Variants in HNRNPLL observed in about 807,000 individuals in gnomAD.
HNRNPLL encodes the protein heterogeneous nuclear ribonucleoprotein L like.
HNRNPLL carries 25 observed loss-of-function variants against 67.1 expected under a neutral mutation model. That is an observed-to-expected ratio of 0.37 (90% CI 0.27 to 0.52). The LOEUF is 0.52. Ranked by LOEUF, HNRNPLL falls within the 20% of genes least tolerant of loss-of-function variation. The probability of loss-of-function intolerance (pLI) is 0.90; values close to 1 mark genes in which losing one functional copy is unlikely to be tolerated. For synonymous variants in HNRNPLL, 267 were observed against 241.7 expected, an observed-to-expected ratio of 1.10 and a Z score of -0.97; for missense variants, 542 against 673.9, an observed-to-expected ratio of 0.80 and a Z score of 2.17.
intron 8 of HNRNPLL, among the ~76,000 whole-genome samples, chr2:38,570,997 A>C (rs1666055747): frequency 6.6e-6 from 1 of 152,130 alleles, no homozygotes; most frequent in Non-Finnish European, 1.5e-5. Context: ...GTAATCTATG[A>C]CGGTGCCACT....
At chr2:38,568,806 G>A (rs1016185300) in intron 10 of HNRNPLL, among the ~76,000 whole-genome samples, 4 of 152,072 alleles carry the variant, frequency 2.6e-5, no homozygotes, top group African/African-American at 9.7e-5. Context: ...TAAGTTAGGG[G>A]AAACAATATG....
At chr2:38,566,092 C>G in intron 12 of HNRNPLL, 1 of 987,792 alleles carries the variant, frequency 1.0e-6, no homozygotes, top group Non-Finnish European at 1.2e-6. Flanking sequence ...AAAAATTAAA[C>G]TTGAGTTTTC....
rs1444723863 is a variant in HNRNPLL at position 38,561,989 on chromosome 2, GATTT to G, written c.*2189_*2192del. Reference sequence around the variant, plus strand: ...TCATATTCCATAACTCAGTTTGGCAGATTTATTATCAAATGTGTAGTAGGATTTG... The same window carrying G: ...TCATATTCCATAACTCAGTTTGGCAGATTATCAAATGTGTAGTAGGATTTG... On this transcript the variant is annotated 3_prime_UTR_variant, in exon 13 of 13. Transcript: ENST00000449105. The G allele has an allele frequency of 1.3e-5, 2 of 152,176 alleles. No homozygotes were observed. The highest frequency in any genetic ancestry group is 1.5e-5 in the Non-Finnish European group (1 of 68,020). 9.4% of individuals were successfully genotyped at this position (152,176 alleles called of 1,614,324 possible). A position where few individuals can be genotyped will look rare whatever the true frequency, so the allele number is the denominator to read the frequency against.
intron 1 of HNRNPLL, chr2:38,601,903 A>C (rs967145585): frequency 2.6e-5 from 4 of 152,560 alleles, no homozygotes; most frequent in African/African-American, 9.7e-5. Context: ...AAATTTTTTA[A>C]ATTAAACCTT....
rs547528699 is a variant in HNRNPLL at position 38,565,656 on chromosome 2, A to G, written c.1574-1419T>C. ...GGTGGGAGGATCACTTGAGCTCAGG[A>G]AAGTCGAGGCTGCAGTGGGCTGTGA... On this transcript the variant is annotated intron_variant, in intron 12 of 12. Coordinates refer to ENST00000449105, the MANE Select transcript of HNRNPLL (RefSeq NM_138394.4). 1.1e-4 allele frequency among the ~76,000 whole-genome samples: 17 copies of G among 150,560 alleles called. No homozygotes were observed. In the South Asian group the frequency reaches 2.7e-3, roughly 24 times the overall value.
At chr2:38,574,859 T>C (rs755139933) in intron 7 of HNRNPLL, among the ~76,000 whole-genome samples, 8 of 151,874 alleles carry the variant, frequency 5.3e-5, no homozygotes, top group Non-Finnish European at 8.8e-5. Flanking sequence ...TTAGTAATTA[T>C]TTTAGCCTCT....
At chr2:38,588,569 G>A (rs1666827504) in intron 2 of HNRNPLL, among the ~76,000 whole-genome samples, 1 of 123,008 alleles carries the variant, frequency 8.1e-6, no homozygotes, top group Non-Finnish European at 1.7e-5. Flanking sequence ...AAAAAAAAAG[G>A]GTGAGCTAAA....
At chr2:38,593,704 T>C (rs546165793) in intron 1 of HNRNPLL, among the ~76,000 whole-genome samples, 3 of 151,218 alleles carry the variant, frequency 2.0e-5, no homozygotes, top group Non-Finnish European at 4.4e-5. Flanking sequence ...CTGGCCAAGA[T>C]GGTGAAACTC....
chr2:38,593,882 A>C (rs571071149), intron 1 of HNRNPLL, among the ~76,000 whole-genome samples: 26 of 150,450 alleles, frequency 1.7e-4, no homozygotes, highest in East Asian at 1.4e-3. Context: ...ACAAAAAAAA[A>C]CCTAAATGCT....
intron 2 of HNRNPLL, among the ~76,000 whole-genome samples, chr2:38,587,096 G>T (rs1376946444): frequency 1.3e-5 from 2 of 152,142 alleles, no homozygotes; most frequent in African/African-American, 4.8e-5. Context: ...CCAAAGAAAT[G>T]TCGGGTCCAG....
intron 1 of HNRNPLL, chr2:38,602,108 A>G: frequency 3.0e-6 from 1 of 331,790 alleles, no homozygotes; most frequent in Non-Finnish European, 5.5e-6. Flanking sequence ...GAGGAGTTAA[A>G]CTAACAAAGA....
At chr2:38,590,900 G>A (rs184186207) in intron 2 of HNRNPLL, among the ~76,000 whole-genome samples, 1 of 152,098 alleles carries the variant, frequency 6.6e-6, no homozygotes, top group Admixed American at 6.6e-5. Context: ...AGCTATTAGG[G>A]AGGATAAAAT....
intron 6 of HNRNPLL, among the ~76,000 whole-genome samples, chr2:38,578,651 C>T (rs963881628): frequency 6.6e-6 from 1 of 151,976 alleles, no homozygotes; most frequent in Non-Finnish European, 1.5e-5. Context: ...AACTTTTACT[C>T]AATGTAAAAA....
chr2:38,602,370 C>A, intron 1 of HNRNPLL, 68 bp downstream of exon 1: 1 of 1,461,108 alleles, frequency 6.8e-7, no homozygotes, highest in East Asian at 2.4e-5. Flanking sequence ...AGCGGGAGGC[C>A]CCGCACCGAG....
chr2:38,587,362 ATTATTAT>A (rs1320254061), intron 2 of HNRNPLL, among the ~76,000 whole-genome samples: 5 of 151,864 alleles, frequency 3.3e-5, no homozygotes, highest in African/African-American at 1.2e-4. Flanking sequence ...TTACTGTATT[ATTATTAT>A]TTAACGTATC....
intron 2 of HNRNPLL, among the ~76,000 whole-genome samples, 167 bp downstream of exon 2, chr2:38,591,363 T>C (rs1383107703): frequency 6.6e-6 from 1 of 152,176 alleles, no homozygotes; most frequent in Non-Finnish European, 1.5e-5. Context: ...TTAAAAATAG[T>C]AGGCTTAAAA....
chr2:38,592,705 A>C (rs1342443822), intron 1 of HNRNPLL, among the ~76,000 whole-genome samples: 1 of 152,218 alleles, frequency 6.6e-6, no homozygotes, highest in Non-Finnish European at 1.5e-5. Flanking sequence ...TTACTTATTC[A>C]AGTTCCATTA....
chr2:38,591,302 G>A (rs1314801631), intron 2 of HNRNPLL, among the ~76,000 whole-genome samples: 3 of 152,188 alleles, frequency 2.0e-5, no homozygotes, highest in Non-Finnish European at 2.9e-5. Flanking sequence ...GCTGGGGAGT[G>A]AGAAGTGATC....
At chr2:38,574,026 C>A (rs1666201911) in intron 7 of HNRNPLL, among the ~76,000 whole-genome samples, 1 of 151,894 alleles carries the variant, frequency 6.6e-6, no homozygotes, top group Non-Finnish European at 1.5e-5. Flanking sequence ...CTACAACTTC[C>A]ATTTTTTTGA....
Sources: allele counts gnomAD v4.1 joint callset (sites outside exome capture counted in the v4.1 genomes callset), GRCh38; gene constraint gnomAD v4.1.1; transcripts MANE v1.5; gene names NCBI Gene and HGNC (gene_info 2026-07-23, HGNC 2026-07-21).